RNF214: variants seen among roughly 807,000 people sequenced by gnomAD.
RNF214 encodes ring finger protein 214.
RNF214 carries 25 observed loss-of-function variants against 75.9 expected under a neutral mutation model. That is an observed-to-expected ratio of 0.33 (90% confidence interval 0.24 to 0.46). The LOEUF (loss-of-function observed/expected upper bound fraction) is 0.46, where lower values mean the gene tolerates loss of function less well. RNF214 is among the 20% of genes least tolerant of loss of function. RNF214 has a pLI of 1.00. For synonymous variants in RNF214, 314 were observed against 308.8 expected (o/e 1.02, Z -0.18); for missense variants, 725 against 857.5 (o/e 0.85, Z 1.93).
At chr11:117,240,982 C>T (rs1016621125) in intron 4 of RNF214, among the ~76,000 whole-genome samples, 1 of 151,634 alleles carries the variant, frequency 6.6e-6, no homozygotes, top group Admixed American at 6.6e-5. Flanking sequence ...AGTTCGAGAC[C>T]AGCCTGGGCA....
chr11:117,251,482 CCCCCCCACCTCCCT>C (rs758595916), intron 6 of RNF214, among the ~76,000 whole-genome samples: 15,247 of 93,810 alleles, frequency 0.16, 1,143 homozygotes, highest in East Asian at 0.42. Context: ...GGGGGGCTGA[CCCCCCCACCTCCCT>C]CCCGGACGGG....
At chr11:117,262,002 A>C (rs2033674956) in intron 6 of RNF214, among the ~76,000 whole-genome samples, 1 of 150,402 alleles carries the variant, frequency 6.6e-6, no homozygotes, top group Non-Finnish European at 1.5e-5. Context: ...GATAAACCCT[A>C]CATGGACAAG....
At chr11:117,232,942 AG>A (rs922961115) in intron 1 of RNF214, among the ~76,000 whole-genome samples, 3 of 14,784 alleles carry the variant, frequency 2.0e-4, no homozygotes, top group Admixed American at 1.5e-3. Context: ...GAAGGGGTGG[AG>A]GGGGGTCTGG....
At chr11:117,248,603 C>T (rs1268562804) in intron 6 of RNF214, among the ~76,000 whole-genome samples, 4 of 152,120 alleles carry the variant, frequency 2.6e-5, no homozygotes, top group Admixed American at 2.6e-4. Context: ...TGAGAGAGGG[C>T]TTGTAGACCA....
chr11:117,247,927 G>A (rs550270245), intron 6 of RNF214, among the ~76,000 whole-genome samples: 1 of 151,696 alleles, frequency 6.6e-6, no homozygotes, highest in East Asian at 1.9e-4. Context: ...GATTACATTT[G>A]TGTTATTCAG....
chr11:117,282,824 G>A lies in RNF214; in HGVS notation c.1924G>A (p.Val642Ile). 1.9e-6 allele frequency: 3 copies of A among 1,614,000 alleles called. No individual in the cohort carries two copies. The highest frequency in any genetic ancestry group is 2.5e-6 in the Non-Finnish European group (3 of 1,179,904). Residue 642 changes from valine (V) to isoleucine (I), a missense_variant, in exon 13 of 15, where the codon GTT becomes ATT. By Grantham distance (29) the Val-to-Ile change is conservative. This residue lies in a region of RNF214 where 363 missense variants were observed against 513.0 expected (regional missense o/e 0.71). Coordinates refer to ENST00000300650, the MANE Select transcript of RNF214 (RefSeq NM_207343.4). ...STPMFLPSAQ[V>I]SYPGRSSHAP... ...CCCAATGTTCTTGCCTTCTGCCCAA[G>A]TTTCATATCCTGGAAGGTCTTCACA...
chr11:117,273,070 T>G lies in RNF214; in HGVS notation c.960-6838T>G, dbSNP rs550154606. ...CAGATAAAGATCAGTTTAGTTAGAA[T>G]AATAATATTGTTTACATTTTGTAAA... On this transcript the variant is annotated intron_variant, in intron 6 of 14. Coordinates refer to ENST00000300650, the MANE Select transcript of RNF214 (RefSeq NM_207343.4). 9.9e-5 allele frequency among the ~76,000 whole-genome samples: 15 copies of G among 152,272 alleles called. No individual in the cohort carries two copies. The South Asian group carries it at 3.1e-3, about 32-fold the overall frequency.
At position 117,281,245 on chromosome 11, in the gene RNF214, A is replaced by G. The variant is rs2034121654; in HGVS notation, c.1146-69A>G. 4 of 1,084,014 alleles carry G rather than the reference A, an allele frequency of 3.7e-6. No individual in the cohort carries two copies. In the Admixed American group the frequency reaches 7.1e-5, roughly 19 times the overall value. 67.1% of individuals were successfully genotyped at this position (1,084,014 alleles called of 1,614,324 possible). A position where few individuals can be genotyped will look rare whatever the true frequency, so the allele number is the denominator to read the frequency against. On this transcript the variant is annotated intron_variant, in intron 8 of 14. Coordinates refer to ENST00000300650, the MANE Select transcript of RNF214 (RefSeq NM_207343.4). Reference sequence around the variant, plus strand: ...CGCCTTGGCCTCTTGTGCTGGGATTACAGGCGTGAGTCACTGTTCCTAGCA... The same window carrying G: ...CGCCTTGGCCTCTTGTGCTGGGATTGCAGGCGTGAGTCACTGTTCCTAGCA...
At chr11:117,249,068 G>A (rs1366158320) in intron 6 of RNF214, among the ~76,000 whole-genome samples, 3 of 151,914 alleles carry the variant, frequency 2.0e-5, no homozygotes, top group Non-Finnish European at 4.4e-5. Flanking sequence ...GATTACAGGC[G>A]AGTGCCATCA....
chr11:117,242,331 T>A (rs945047598), intron 4 of RNF214, among the ~76,000 whole-genome samples: 1 of 152,144 alleles, frequency 6.6e-6, no homozygotes, highest in African/African-American at 2.4e-5. Context: ...TTGGTGCAAG[T>A]TGAAGAAATT....
chr11:117,275,611 A>G (rs1009713476), intron 6 of RNF214, among the ~76,000 whole-genome samples: 2 of 152,340 alleles, frequency 1.3e-5, no homozygotes, highest in East Asian at 3.9e-4. Flanking sequence ...CTGTGAACAC[A>G]TATATGTATA....
chr11:117,254,445 C>T (rs2033473187), intron 6 of RNF214, among the ~76,000 whole-genome samples: 1 of 152,112 alleles, frequency 6.6e-6, no homozygotes, highest in African/African-American at 2.4e-5. Flanking sequence ...ACTCCATTTC[C>T]TTTGAGTCTG....
intron 6 of RNF214, among the ~76,000 whole-genome samples, chr11:117,270,573 C>T (rs549548378): frequency 4.6e-5 from 7 of 151,406 alleles, no homozygotes; most frequent in South Asian, 4.2e-4. Flanking sequence ...CCCACCCCCC[C>T]GGTAGCTGGG....
At position 117,244,452 on chromosome 11, in the gene RNF214, T is replaced by G; in HGVS notation, c.686T>G (p.Met229Arg). The G allele has an allele frequency of 6.2e-7, 1 of 1,608,316 alleles. No individual in the cohort carries two copies. Among genetic ancestry groups the G allele is most frequent in the Non-Finnish European group, 8.5e-7 (1 of 1,177,984 alleles). ...DQDIEKNLDKMMTERTLLKER... is the reference protein window; with the variant it reads ...DQDIEKNLDKRMTERTLLKER... The stretch of plus-strand genomic sequence containing the variant: ...TTGTCTTGTTCATAATAGGATAAAA[T>G]GATGACAGAGAGAACCCTGTTGAAA... Residue 229 changes from methionine (M) to arginine (R), a missense_variant, in exon 5 of 15, where the codon ATG becomes AGG. This residue lies in a region of RNF214 where 362 missense variants were observed against 344.5 expected (regional missense o/e 1.05). Transcript: ENST00000300650.
intron 5 of RNF214, among the ~76,000 whole-genome samples, chr11:117,245,862 TAGAG>T (rs1235228009): frequency 6.6e-6 from 1 of 152,160 alleles, no homozygotes; most frequent in Non-Finnish European, 1.5e-5. Flanking sequence ...TGTGTGAGCA[TAGAG>T]AAAGATGTGA....
In RNF214 at chr11:117,285,223, C is replaced by T; in HGVS notation, c.*72C>T. The stretch of plus-strand genomic sequence containing the variant: ...AAGCGCGGGTTCAAGATTTCTAAAA[C>T]TCTATATTTATACAGTGACATATAC... On this transcript the variant is annotated 3_prime_UTR_variant, in exon 15 of 15. Transcript: ENST00000300650. 2 of 1,027,292 alleles carry T rather than the reference C, an allele frequency of 1.9e-6. No individual in the cohort carries two copies. Among genetic ancestry groups the T allele is most frequent in the Non-Finnish European group, 1.5e-6 (1 of 648,310 alleles). The allele number at this position is 1,027,292 out of a possible 1,614,324, so 63.6% of individuals were successfully genotyped here.
chr11:117,235,495 C>CTTTTT (rs764468370), intron 2 of RNF214, among the ~76,000 whole-genome samples: 6 of 120,624 alleles, frequency 5.0e-5, no homozygotes, highest in Non-Finnish European at 6.9e-5. Context: ...CACGCCCAGC[C>CTTTTT]TTTTTTTTTT....
At chr11:117,237,058 C>T (rs566130481) in intron 2 of RNF214, among the ~76,000 whole-genome samples, 29 of 152,188 alleles carry the variant, frequency 1.9e-4, no homozygotes, top group African/African-American at 6.0e-4. Context: ...TAACTCCCAG[C>T]AGGAAGGAAT....
intron 6 of RNF214, among the ~76,000 whole-genome samples, chr11:117,253,899 G>T (rs965282793): frequency 6.6e-6 from 1 of 152,122 alleles, no homozygotes; most frequent in African/African-American, 2.4e-5. Context: ...CAATTCATAG[G>T]ATAGGTAAGT....
Sources: allele counts gnomAD v4.1 joint callset (sites outside exome capture counted in the v4.1 genomes callset), GRCh38; gene constraint gnomAD v4.1.1; regional missense constraint gnomAD v4.1.1; transcripts MANE v1.5; gene names NCBI Gene and HGNC (gene_info 2026-07-23, HGNC 2026-07-21).